Variants in CSMD1 observed in about 807,000 individuals in gnomAD.
The protein encoded by CSMD1 is CUB and sushi domain-containing protein 1.
A neutral mutation model predicts 417.5 loss-of-function variants in CSMD1; 213 were observed. The ratio of observed to expected loss-of-function variants is 0.51; its 90% CI spans 0.46 to 0.57. The LOEUF (loss-of-function observed/expected upper bound fraction) is 0.57. CSMD1 is among the 20% of genes least tolerant of loss of function. The probability of loss-of-function intolerance (pLI) is 0.00; values close to 1 mark genes in which losing one functional copy is unlikely to be tolerated. For missense variants in CSMD1, 6,923 were observed against 4,529.7 expected, an observed-to-expected ratio of 1.53 and a Z score of -15.17; for synonymous variants, 2,862 against 1,736.8, an observed-to-expected ratio of 1.65 and a Z score of -16.11.
intron 12 of CSMD1, among the ~76,000 whole-genome samples, chr8:3,428,777 A>T (rs1384005443): frequency 6.6e-6 from 1 of 152,212 alleles, no homozygotes; most frequent in African/African-American, 2.4e-5. Flanking sequence ...AGAATCATTC[A>T]CAATAGCCAA....
intron 6 of CSMD1, among the ~76,000 whole-genome samples, chr8:3,709,794 T>A (rs556948807): frequency 3.4e-5 from 5 of 149,226 alleles, no homozygotes; most frequent in African/African-American, 1.2e-4. Flanking sequence ...AGGTCTTCGG[T>A]CTTGTCAGCT....
intron 5 of CSMD1, among the ~76,000 whole-genome samples, chr8:3,888,413 T>A (rs1051993761): frequency 1.3e-5 from 2 of 152,160 alleles, no homozygotes; most frequent in African/African-American, 2.4e-5. Context: ...TACGGAAACC[T>A]TTTTTTACCT....
chr8:4,097,744 A>C (rs1016524450), intron 3 of CSMD1, among the ~76,000 whole-genome samples: 4 of 152,228 alleles, frequency 2.6e-5, no homozygotes. Context: ...AAACAAATTC[A>C]GTGTAGTTGT....
At chr8:4,798,744 T>A (rs1292486240) in intron 1 of CSMD1, among the ~76,000 whole-genome samples, 1 of 152,242 alleles carries the variant, frequency 6.6e-6, no homozygotes, top group African/African-American at 2.4e-5. Context: ...TATTAATAGG[T>A]ATGTAACATT....
intron 18 of CSMD1, chr8:3,373,349 G>A (rs1046414857): frequency 6.6e-6 from 1 of 152,232 alleles, no homozygotes; most frequent in Non-Finnish European, 1.5e-5. Flanking sequence ...GCCATCAGGA[G>A]AAAGTCAGAC....
intron 5 of CSMD1, among the ~76,000 whole-genome samples, chr8:3,953,952 T>C (rs1254022395): frequency 6.6e-6 from 1 of 152,188 alleles, no homozygotes; most frequent in African/African-American, 2.4e-5. Flanking sequence ...GGGTCTCGCC[T>C]TAGGCTGGGA....
At chr8:3,964,557 C>T (rs924875237) in intron 5 of CSMD1, among the ~76,000 whole-genome samples, 1 of 152,206 alleles carries the variant, frequency 6.6e-6, no homozygotes, top group Non-Finnish European at 1.5e-5. Context: ...AATAAATACA[C>T]TGGAGAAGTC....
At chr8:3,300,179 T>C (rs1008287281) in intron 25 of CSMD1, among the ~76,000 whole-genome samples, 2 of 152,232 alleles carry the variant, frequency 1.3e-5, no homozygotes, top group Admixed American at 6.5e-5. Flanking sequence ...CATTTGGCCA[T>C]GTTTATTAAC....
chr8:3,977,759 G>C (rs149519589), intron 5 of CSMD1, among the ~76,000 whole-genome samples: 145 of 152,308 alleles, frequency 9.5e-4, no homozygotes, highest in African/African-American at 3.0e-3. Context: ...TTGTGAATCT[G>C]CATGTATGCT....
chr8:4,625,491 C>A (rs139746126), intron 2 of CSMD1, among the ~76,000 whole-genome samples: 112 of 152,010 alleles, frequency 7.4e-4, no homozygotes, highest in African/African-American at 2.1e-3. Context: ...AATGAATCCA[C>A]CTTTGTAAAG....
intron 37 of CSMD1, among the ~76,000 whole-genome samples, chr8:3,180,450 C>T (rs1454543630): frequency 1.3e-5 from 2 of 152,124 alleles, no homozygotes; most frequent in African/African-American, 4.8e-5. Context: ...GGATTGTCCA[C>T]CTTCTGGGGA....
chr8:4,259,387 G>T (rs868442861), intron 3 of CSMD1, among the ~76,000 whole-genome samples: 1 of 152,054 alleles, frequency 6.6e-6, no homozygotes, highest in Middle Eastern at 3.2e-3. Context: ...AGGACAGGAG[G>T]AGCTCCCAAA....
At chr8:4,187,159 G>C (rs1434215961) in intron 3 of CSMD1, among the ~76,000 whole-genome samples, 4 of 151,872 alleles carry the variant, frequency 2.6e-5, no homozygotes, top group Admixed American at 2.0e-4. Context: ...ACTGCTTGTA[G>C]TATTAAAAAT....
In CSMD1 at chr8:4,212,752, T is replaced by A. The variant is rs1479156280; in HGVS notation, c.416-180653A>T. On this transcript the variant is annotated intron_variant, in intron 3 of 69. Coordinates refer to ENST00000635120, the MANE Select transcript of CSMD1 (RefSeq NM_033225.6). Reference sequence around the variant, plus strand: ...AAAGTTTACAACAGCGGCCTTATTCTTTTTTTTTTTTTTTTTTTTTTTTTA... The same window carrying A: ...AAAGTTTACAACAGCGGCCTTATTCATTTTTTTTTTTTTTTTTTTTTTTTA... 6.7e-4 allele frequency among the ~76,000 whole-genome samples: 7 copies of A among 10,420 alleles called. No individual in the cohort carries two copies. The East Asian group carries it at 0.015, about 22-fold the overall frequency. The allele number at this position is 10,420 out of a possible 152,430, so 6.8% of individuals were successfully genotyped here.
chr8:4,454,363 A>G (rs958667567), intron 2 of CSMD1, among the ~76,000 whole-genome samples: 8 of 151,988 alleles, frequency 5.3e-5, no homozygotes, highest in African/African-American at 1.7e-4. Flanking sequence ...TCTTCTCCCA[A>G]CACATACCTC....
At chr8:4,472,585 C>T (rs149666435) in intron 2 of CSMD1, among the ~76,000 whole-genome samples, 3 of 152,066 alleles carry the variant, frequency 2.0e-5, no homozygotes, top group African/African-American at 7.2e-5. Flanking sequence ...TTCATCATCA[C>T]TTTGAAAAGT....
At chr8:3,689,281 G>A (rs1427561495) in intron 7 of CSMD1, among the ~76,000 whole-genome samples, 1 of 152,074 alleles carries the variant, frequency 6.6e-6, no homozygotes, top group Non-Finnish European at 1.5e-5. Context: ...TGAGCGTCAG[G>A]GGCCTGTGGC....
intron 5 of CSMD1, among the ~76,000 whole-genome samples, chr8:3,808,743 T>C (rs979620461): frequency 3.3e-5 from 5 of 152,212 alleles, no homozygotes; most frequent in Admixed American, 6.5e-5. Context: ...TTTCCTAGCA[T>C]AGCCTTGCAA....
At chr8:4,697,604 T>G (rs993245328) in intron 1 of CSMD1, among the ~76,000 whole-genome samples, 1 of 152,162 alleles carries the variant, frequency 6.6e-6, no homozygotes. Context: ...GTTCAGTCAA[T>G]AAGTTCAACA....
Sources: allele counts gnomAD v4.1 joint callset (sites outside exome capture counted in the v4.1 genomes callset), GRCh38; gene constraint gnomAD v4.1.1; transcripts MANE v1.5; gene names NCBI Gene and HGNC (gene_info 2026-07-23, HGNC 2026-07-21).